SULT1C3: variants seen among roughly 807,000 people sequenced by gnomAD.
SULT1C3 encodes the protein sulfotransferase 1C3.
In SULT1C3, 31 loss-of-function variants were observed where a neutral mutation model predicts 28.4. That is an observed-to-expected ratio of 1.09 (90% CI 0.82 to 1.47). The LOEUF (loss-of-function observed/expected upper bound fraction) is 1.47. Ranked by LOEUF, SULT1C3 falls within the 40% of genes most tolerant of loss-of-function variation. The pLI, the probability that SULT1C3 is intolerant of heterozygous loss-of-function variation, is 0.00. For synonymous variants in SULT1C3, 106 were observed against 92.2 expected (o/e 1.15, Z -0.86); for missense variants, 307 against 272.5 (o/e 1.13, Z -0.89).
intron 2 of SULT1C3, among the ~76,000 whole-genome samples, chr2:108,251,237 G>A (rs1310437976): frequency 6.6e-6 from 1 of 152,132 alleles, no homozygotes; most frequent in Non-Finnish European, 1.5e-5. Flanking sequence ...CTAATAAATA[G>A]AGAAGTGAGG....
At chr2:108,246,962 T>G (rs888933638) in intron 1 of SULT1C3, among the ~76,000 whole-genome samples, 1 of 152,192 alleles carries the variant, frequency 6.6e-6, no homozygotes, top group African/African-American at 2.4e-5. Context: ...TTATAATGAC[T>G]TAAGTTTCCA....
In SULT1C3 at chr2:108,250,860, G is replaced by T. The variant is rs569936649; in HGVS notation, c.173-1505G>T. Among the ~76,000 whole-genome samples, 24 of 152,152 alleles carry T rather than the reference G, an allele frequency of 1.6e-4. No individual in the cohort carries two copies. In the South Asian group the frequency reaches 5.0e-3, roughly 32 times the overall value. ...ATTCAACAATGTGTAAAACTAATTTGTATTGACAAAAACATAGATCAGCAG... is the reference window on the plus strand; with the variant it reads ...ATTCAACAATGTGTAAAACTAATTTTTATTGACAAAAACATAGATCAGCAG... On this transcript the variant is annotated intron_variant, in intron 2 of 7. Coordinates refer to ENST00000681802, the MANE Select transcript of SULT1C3 (RefSeq NM_001320878.2).
chr2:108,252,416 T>C lies in SULT1C3; in HGVS notation c.224T>C (p.Val75Ala). The part of the protein sequence containing the change: ...ILDMILNDGD[V>A]EKCKRAQTLD... ...GACATGATTCTAAATGATGGTGATG[T>C]GGAGAAATGCAAAAGAGCCCAGACT... Residue 75 changes from valine (V) to alanine (A), a missense_variant, in exon 3 of 8, where the codon GTG becomes GCG. Physicochemically the swap from Val to Ala is moderately conservative, Grantham distance 64. Coordinates refer to ENST00000681802, the MANE Select transcript of SULT1C3 (RefSeq NM_001320878.2). The C allele has an allele frequency of 6.2e-7, 1 of 1,612,402 alleles. No homozygotes were observed. The highest frequency in any genetic ancestry group is 8.5e-7 in the Non-Finnish European group (1 of 1,179,034).
At chr2:108,255,219 G>C (rs948279390) in intron 4 of SULT1C3, among the ~76,000 whole-genome samples, 2 of 151,902 alleles carry the variant, frequency 1.3e-5, no homozygotes, top group Non-Finnish European at 2.9e-5. Flanking sequence ...CCCATTCCCT[G>C]AATGCCCAGG....
intron 2 of SULT1C3, 111 bp downstream of exon 2, chr2:108,247,477 A>G: frequency 1.9e-6 from 2 of 1,066,114 alleles, no homozygotes; most frequent in Non-Finnish European, 2.6e-6. Flanking sequence ...ATTCCTCATT[A>G]TGGAGATCTG....
In SULT1C3 at chr2:108,253,439, CA is replaced by C; in HGVS notation, c.398del (p.Lys133ArgfsTer32). On this transcript the variant is annotated frameshift_variant and splice_region_variant, in exon 4 of 8. Transcript: ENST00000681802. LOFTEE classifies it high-confidence loss of function. ...IPPSIWKENC[K>X]IVYVARNPKD... is the part of the protein sequence containing the mutation. ...CACCATCTATCTGGAAAGAAAACTG[CA>C]AGGTATAAAGAGGGGGCTTTTCAAA... is the stretch of plus-strand genomic sequence containing the variant. The C allele has an allele frequency of 6.5e-7, 1 of 1,536,310 alleles. No homozygotes were observed. Among genetic ancestry groups the C allele is most frequent in the Admixed American group, 1.9e-5 (1 of 52,476 alleles).
intron 2 of SULT1C3, among the ~76,000 whole-genome samples, chr2:108,250,586 TA>T (rs1278820908): frequency 1.1e-4 from 1 of 8,874 alleles, no homozygotes; most frequent in Non-Finnish European, 1.9e-4. Context: ...TATGTTCATA[TA>T]AAAACTTGTA....
chr2:108,258,634 C>T (rs954168214), intron 5 of SULT1C3, 100 bp from the exon 6 acceptor site: 88 of 846,020 alleles, frequency 1.0e-4, no homozygotes, highest in African/African-American at 6.5e-4. Flanking sequence ...GGAACCAGAA[C>T]GATAGTTACA....
intron 1 of SULT1C3, among the ~76,000 whole-genome samples, chr2:108,241,992 G>A (rs1474478830): frequency 6.6e-6 from 1 of 151,562 alleles, no homozygotes; most frequent in East Asian, 1.9e-4. Context: ...TATACCAGGT[G>A]TGGATCCTAG....
chr2:108,250,952 T>G (rs1208689973), intron 2 of SULT1C3, among the ~76,000 whole-genome samples: 1 of 152,072 alleles, frequency 6.6e-6, no homozygotes, highest in Non-Finnish European at 1.5e-5. Flanking sequence ...TACTCTTATC[T>G]ATGGTAATGG....
At chr2:108,262,915 A>G (rs1676054780), downstream of SULT1C3, among the ~76,000 whole-genome samples, 6 of 152,212 alleles carry the variant, frequency 3.9e-5, no homozygotes, top group Admixed American at 3.9e-4. Flanking sequence ...AACCAACTCA[A>G]AATGACAAAA....
chr2:108,247,063 TTA>T (rs1207539022), intron 1 of SULT1C3, 123 bp from the exon 2 acceptor site: 1 of 626,888 alleles, frequency 1.6e-6, no homozygotes, highest in Non-Finnish European at 2.4e-6. Context: ...TGTTAGCATG[TTA>T]TATGTTAGCT....
chr2:108,250,600 C>CA (rs58950430), intron 2 of SULT1C3, among the ~76,000 whole-genome samples: 151,770 of 152,086 alleles, frequency 1, 75,728 homozygotes, highest in Middle Eastern at 1. Context: ...AACTTGTACA[C>CA]AACACTATAG....
intron 4 of SULT1C3, among the ~76,000 whole-genome samples, chr2:108,255,345 A>T (rs1376336114): frequency 6.6e-6 from 1 of 152,018 alleles, no homozygotes; most frequent in Non-Finnish European, 1.5e-5. Flanking sequence ...GTGGTTCCTC[A>T]TAACCACTCT....
At chr2:108,257,316 A>G (rs1388383813) in intron 5 of SULT1C3, among the ~76,000 whole-genome samples, 2 of 152,064 alleles carry the variant, frequency 1.3e-5, no homozygotes, top group East Asian at 1.9e-4. Flanking sequence ...GATTTAAAAC[A>G]TGCCAAGACC....
At chr2:108,262,499 G>T (rs530408208), downstream of SULT1C3, among the ~76,000 whole-genome samples, 3 of 152,178 alleles carry the variant, frequency 2.0e-5, no homozygotes, top group Admixed American at 6.6e-5. Flanking sequence ...CAGGTATTAA[G>T]GGGTATGATG....
intron 1 of SULT1C3, among the ~76,000 whole-genome samples, chr2:108,246,211 C>T (rs1298396325): frequency 6.6e-6 from 1 of 152,182 alleles, no homozygotes; most frequent in African/African-American, 2.4e-5. Flanking sequence ...CCACATTTTC[C>T]TGTCTTCTTC....
intron 2 of SULT1C3, among the ~76,000 whole-genome samples, chr2:108,249,382 T>G (rs1301815126): frequency 6.6e-6 from 1 of 151,976 alleles, no homozygotes; most frequent in Non-Finnish European, 1.5e-5. Flanking sequence ...ACAGCTGCAC[T>G]AAAAATAAAT....
At chr2:108,262,622 T>C (rs17035958), downstream of SULT1C3, among the ~76,000 whole-genome samples, 954 of 152,308 alleles carry the variant, frequency 6.3e-3, 13 homozygotes, top group African/African-American at 0.021. Context: ...TCGTAAAAGC[T>C]ACAAACAGAG....
Sources: gnomAD v4.1 joint callset for allele counts (sites outside exome capture counted in the v4.1 genomes callset) on GRCh38, gnomAD v4.1.1 for gene constraint, MANE v1.5 for transcripts, NCBI Gene and HGNC (gene_info 2026-07-23, HGNC 2026-07-21) for gene names.